Variants in CNTNAP2 observed in about 807,000 individuals in gnomAD.
The protein encoded by CNTNAP2 is contactin-associated protein-like 2.
In CNTNAP2, 98 loss-of-function variants were observed where a neutral mutation model predicts 155.2. The observed-to-expected ratio is 0.63, with a 90% CI of 0.54 to 0.75. The LOEUF is 0.75. Among genes scored for constraint, CNTNAP2 ranks in the 30% least tolerant of loss-of-function variants. The pLI, the probability that CNTNAP2 is intolerant of heterozygous loss-of-function variation, is 0.00. For missense variants in CNTNAP2, 1,727 were observed against 1,688.1 expected (o/e 1.02, Z -0.40); for synonymous variants, 651 against 631.2 (o/e 1.03, Z -0.47).
intron 11 of CNTNAP2, among the ~76,000 whole-genome samples, chr7:147,554,888 A>G (rs1297254267): frequency 6.6e-6 from 1 of 152,182 alleles, no homozygotes; most frequent in Non-Finnish European, 1.5e-5. Context: ...TATGAGGTTA[A>G]TATTCAAGTG....
chr7:147,424,087 C>T (rs1244075787), intron 10 of CNTNAP2, among the ~76,000 whole-genome samples: 1 of 152,170 alleles, frequency 6.6e-6, no homozygotes, highest in Non-Finnish European at 1.5e-5. Context: ...AGCTCCTAAC[C>T]TTCAGTGGGA....
chr7:148,214,068 C>T (rs780576135), intron 18 of CNTNAP2, among the ~76,000 whole-genome samples: 1 of 152,226 alleles, frequency 6.6e-6, no homozygotes, highest in Non-Finnish European at 1.5e-5. Flanking sequence ...CCACCTCTGG[C>T]CCTCCAGGTC....
chr7:146,777,716 C>T (rs1464651420), intron 2 of CNTNAP2, among the ~76,000 whole-genome samples: 1 of 151,970 alleles, frequency 6.6e-6, no homozygotes, highest in South Asian at 2.1e-4. Context: ...GGAGAGTGCC[C>T]ACCATGCCTG....
At chr7:147,834,833 G>T (rs1397876221) in intron 13 of CNTNAP2, among the ~76,000 whole-genome samples, 2 of 152,166 alleles carry the variant, frequency 1.3e-5, no homozygotes, top group African/African-American at 4.8e-5. Context: ...TAATGCTGCT[G>T]TCAATTTAAT....
intron 2 of CNTNAP2, among the ~76,000 whole-genome samples, chr7:146,796,198 G>T (rs1802765016): frequency 6.6e-6 from 1 of 152,174 alleles, no homozygotes. Context: ...TGCAGGGAGG[G>T]AGATGGTGTC....
chr7:147,999,175 C>T lies in CNTNAP2; in HGVS notation c.2383+21186C>T, dbSNP rs141144188. On this transcript the variant is annotated intron_variant, in intron 15 of 23. Transcript: ENST00000361727. ...TTTGCTCACTGCAGCCTCTGCCTCCCGGGTTCCAGTGATTCTCCTGCCTCA... is the reference window on the plus strand; with the variant it reads ...TTTGCTCACTGCAGCCTCTGCCTCCTGGGTTCCAGTGATTCTCCTGCCTCA... 2.8e-3 allele frequency among the ~76,000 whole-genome samples: 423 copies of T among 152,206 alleles called. 7 individuals are homozygous for T. The highest frequency in any genetic ancestry group is 0.023 in the East Asian group (119 of 5,154).
intron 19 of CNTNAP2, 73 bp from the exon 20 acceptor site, chr7:148,229,573 G>T: frequency 6.6e-7 from 1 of 1,512,550 alleles, no homozygotes; most frequent in South Asian, 1.1e-5. Flanking sequence ...CTAAGAGCAG[G>T]AATTGAGGGG....
intron 13 of CNTNAP2, among the ~76,000 whole-genome samples, chr7:147,710,554 T>C (rs940738096): frequency 6.6e-6 from 1 of 152,214 alleles, no homozygotes; most frequent in Non-Finnish European, 1.5e-5. Flanking sequence ...CTAATTTGAC[T>C]CTTTTTCCCT....
intron 13 of CNTNAP2, among the ~76,000 whole-genome samples, chr7:147,696,561 A>G (rs759041303): frequency 6.6e-5 from 10 of 152,116 alleles, no homozygotes; most frequent in South Asian, 2.1e-4. Context: ...AGAAAAATAA[A>G]AGTTTTTGTT....
At chr7:148,163,119 G>A (rs2906297) in intron 17 of CNTNAP2, among the ~76,000 whole-genome samples, 41,265 of 152,136 alleles carry the variant, frequency 0.27, 5,780 homozygotes, top group East Asian at 0.34. Context: ...CATATCAGAC[G>A]TAGGAGAAGA....
At chr7:147,350,463 T>C (rs965100058) in intron 9 of CNTNAP2, among the ~76,000 whole-genome samples, 2 of 151,904 alleles carry the variant, frequency 1.3e-5, no homozygotes, top group Non-Finnish European at 2.9e-5. Flanking sequence ...TAATGTATGA[T>C]TCTTTAATAA....
chr7:146,748,946 C>G (rs116355931), intron 1 of CNTNAP2, among the ~76,000 whole-genome samples: 194 of 152,176 alleles, frequency 1.3e-3, no homozygotes, highest in African/African-American at 4.6e-3. Context: ...TACAAATTGC[C>G]GTAAGTTTTT....
intron 13 of CNTNAP2, among the ~76,000 whole-genome samples, chr7:147,710,356 C>T (rs1796384952): frequency 6.6e-6 from 1 of 152,156 alleles, no homozygotes; most frequent in Non-Finnish European, 1.5e-5. Context: ...CCACCATCAC[C>T]ACTCCTGAAA....
chr7:146,245,762 C>T (rs1040981110), intron 1 of CNTNAP2, among the ~76,000 whole-genome samples: 11 of 152,084 alleles, frequency 7.2e-5, no homozygotes, highest in African/African-American at 1.7e-4. Context: ...TGCGGCAGTA[C>T]AGCCCAGGTA....
chr7:147,256,406 T>C (rs572051210), intron 8 of CNTNAP2, among the ~76,000 whole-genome samples: 1 of 152,266 alleles, frequency 6.6e-6, no homozygotes, highest in Admixed American at 6.5e-5. Context: ...CATTACAGCT[T>C]TCTGTCATGT....
chr7:147,628,103 A>C (rs947477824), intron 12 of CNTNAP2, among the ~76,000 whole-genome samples: 16 of 152,278 alleles, frequency 1.1e-4, no homozygotes, highest in Non-Finnish European at 1.3e-4. Flanking sequence ...GCTAGAGATC[A>C]AGATACCCAA....
intron 2 of CNTNAP2, among the ~76,000 whole-genome samples, chr7:146,776,262 G>A (rs1396092278): frequency 6.6e-6 from 1 of 152,144 alleles, no homozygotes; most frequent in Non-Finnish European, 1.5e-5. Context: ...GAGACATAAA[G>A]CACCTGTGAG....
chr7:147,949,575 G>A (rs1175082506), intron 14 of CNTNAP2, among the ~76,000 whole-genome samples: 1 of 151,974 alleles, frequency 6.6e-6, no homozygotes, highest in African/African-American at 2.4e-5. Flanking sequence ...TTACAGCCCA[G>A]GCTAGTTGGT....
chr7:148,244,068 A>G (rs1205825890), intron 20 of CNTNAP2, among the ~76,000 whole-genome samples: 1 of 152,262 alleles, frequency 6.6e-6, no homozygotes, highest in Non-Finnish European at 1.5e-5. Context: ...TCTAGATTAT[A>G]GAAGTGTCAT....
Sources: gnomAD v4.1 joint callset for allele counts (sites outside exome capture counted in the v4.1 genomes callset) on GRCh38, gnomAD v4.1.1 for gene constraint, MANE v1.5 for transcripts, NCBI Gene and HGNC (gene_info 2026-07-23, HGNC 2026-07-21) for gene names.